Variants in GORASP2 observed in about 807,000 individuals in gnomAD.
The protein encoded by GORASP2 is golgi reassembly stacking protein 2, also known as Golgi reassembly-stacking protein 2.
Under a neutral mutation model 45.7 loss-of-function variants are expected in GORASP2, and 22 were observed. The observed-to-expected ratio is 0.48, with a 90% CI of 0.34 to 0.69. The LOEUF is 0.69. Ranked by LOEUF, GORASP2 falls within the 30% of genes least tolerant of loss-of-function variation. GORASP2 has a pLI of 0.01. For synonymous variants in GORASP2, 221 were observed against 215.6 expected, an observed-to-expected ratio of 1.02 and a Z score of -0.22; for missense variants, 491 against 562.7, an observed-to-expected ratio of 0.87 and a Z score of 1.29.
intron 1 of GORASP2, among the ~76,000 whole-genome samples, chr2:170,945,527 A>G (rs567824218): frequency 6.6e-6 from 1 of 151,942 alleles, no homozygotes; most frequent in East Asian, 1.9e-4. Context: ...AAGAAGAAGA[A>G]GAAACTGAAC....
chr2:170,943,632 A>G (rs554245680), intron 1 of GORASP2, among the ~76,000 whole-genome samples: 76 of 152,286 alleles, frequency 5.0e-4, no homozygotes, highest in East Asian at 9.6e-4. Context: ...TGGCTCTAAA[A>G]GTCTATTATT....
chr2:170,944,968 C>T (rs1704151134), intron 1 of GORASP2, among the ~76,000 whole-genome samples: 1 of 152,070 alleles, frequency 6.6e-6, no homozygotes, highest in African/African-American at 2.4e-5. Context: ...TGATAACCAC[C>T]TAATAGGCAT....
At chr2:170,958,122 T>G (rs1704470733) in intron 7 of GORASP2, among the ~76,000 whole-genome samples, 1 of 152,230 alleles carries the variant, frequency 6.6e-6, no homozygotes, top group Non-Finnish European at 1.5e-5. Context: ...ATCCCAGCTC[T>G]TTAGTCCTGG....
chr2:170,956,742 T>TA (rs35604404), intron 7 of GORASP2, among the ~76,000 whole-genome samples, 183 bp downstream of exon 7: 64 of 149,238 alleles, frequency 4.3e-4, no homozygotes, highest in Non-Finnish European at 3.7e-4. Flanking sequence ...ACCACGTCTC[T>TA]AAAAAAAAAA....
chr2:170,957,525 C>T (rs1704456416), intron 7 of GORASP2, among the ~76,000 whole-genome samples: 1 of 152,202 alleles, frequency 6.6e-6, no homozygotes, highest in African/African-American at 2.4e-5. Flanking sequence ...ATCTGCCCTC[C>T]TCGGCCTTCC....
Position 170,948,333 on chromosome 2 carries a change from C to A in GORASP2, c.64-17C>A. The A allele has an allele frequency of 1.4e-6, 2 of 1,468,454 alleles. No homozygotes were observed. Among genetic ancestry groups the A allele is most frequent in the South Asian group, 2.4e-5 (2 of 84,846 alleles). 91.0% of individuals were successfully genotyped at this position (1,468,454 alleles called of 1,614,324 possible). A position where few individuals can be genotyped will look rare whatever the true frequency, so the allele number is the denominator to read the frequency against. On this transcript the variant is annotated splice_polypyrimidine_tract_variant and intron_variant, in intron 1 of 9. Coordinates refer to ENST00000234160, the MANE Select transcript of GORASP2 (RefSeq NM_015530.5). The stretch of plus-strand genomic sequence containing the variant: ...TAAGCTTTACATTTTTTATTTTTGT[C>A]GTTTTTGTTTCCGCAGGTACAAGAA...
chr2:170,964,892 ATTTTTT>A (rs1199571345), intron 9 of GORASP2, among the ~76,000 whole-genome samples: 3 of 64,704 alleles, frequency 4.6e-5, no homozygotes, highest in African/African-American at 1.1e-4. Context: ...ATGCATTTTA[ATTTTTT>A]TTTTTTTTTT....
intron 1 of GORASP2, chr2:170,929,905 C>T (rs1367255357): frequency 2.5e-6 from 1 of 392,908 alleles, no homozygotes; most frequent in Non-Finnish European, 5.4e-6. Flanking sequence ...CCTGAAAGAC[C>T]AGCAGGGCAG....
chr2:170,929,799 G>T, intron 1 of GORASP2: 1 of 478,714 alleles, frequency 2.1e-6, no homozygotes, highest in Non-Finnish European at 4.3e-6. Context: ...TGTGAAGGCA[G>T]CCTTTGCGCT....
rs1027175081 is a variant in GORASP2, at chr2:170,932,430, C to T, written c.63+3027C>T. On this transcript the variant is annotated intron_variant, in intron 1 of 9. Transcript: ENST00000234160. ...TGTACCATAGATTGGTTAAGGAGTA[C>T]CTCCTGGTGTTGAACATTTGGTTAT... Among the ~76,000 whole-genome samples the T allele has an allele frequency of 3.9e-5, 6 of 152,176 alleles. No homozygotes were observed. The East Asian group carries it at 1.2e-3, about 29-fold the overall frequency.
At chr2:170,961,295 A>T (rs1246286628) in intron 7 of GORASP2, among the ~76,000 whole-genome samples, 1 of 152,192 alleles carries the variant, frequency 6.6e-6, no homozygotes, top group Non-Finnish European at 1.5e-5. Flanking sequence ...GTGGCATCTT[A>T]GTTTAGGAGC....
chr2:170,961,983 C>T (rs1704572186), intron 8 of GORASP2, among the ~76,000 whole-genome samples: 1 of 152,154 alleles, frequency 6.6e-6, no homozygotes, highest in Non-Finnish European at 1.5e-5. Flanking sequence ...TGCTCCTTAC[C>T]CCCAGCCAGC....
intron 5 of GORASP2, chr2:170,953,669 G>A (rs191210588): frequency 6.6e-6 from 1 of 152,342 alleles, no homozygotes; most frequent in Admixed American, 6.5e-5. Context: ...GTAAAAACTA[G>A]CTGTCACCAT....
chr2:170,958,714 G>A (rs1050723195), intron 7 of GORASP2, among the ~76,000 whole-genome samples: 3 of 143,250 alleles, frequency 2.1e-5, no homozygotes, highest in Non-Finnish European at 3.0e-5. Context: ...AGGAAGGCTA[G>A]AGTACAGTGG....
chr2:170,958,240 C>G (rs4668354), intron 7 of GORASP2, among the ~76,000 whole-genome samples: 78,718 of 152,098 alleles, frequency 0.52, 23,107 homozygotes, highest in South Asian at 0.65. Flanking sequence ...TTGGGATATA[C>G]TTCCCCTTTG....
chr2:170,930,500 G>A (rs998161749), intron 1 of GORASP2, among the ~76,000 whole-genome samples: 1 of 152,200 alleles, frequency 6.6e-6, no homozygotes, highest in Non-Finnish European at 1.5e-5. Context: ...TGGGTCCCAT[G>A]TTTTAGGTGA....
chr2:170,928,918 C>T (rs2195116), upstream of GORASP2: 99,283 of 161,260 alleles, frequency 0.62, 32,655 homozygotes, highest in East Asian at 0.95. Flanking sequence ...CCTTTCCCCG[C>T]CTCTGGCCAC....
intron 1 of GORASP2, among the ~76,000 whole-genome samples, chr2:170,938,859 A>G (rs1208000496): frequency 6.6e-6 from 1 of 152,122 alleles, no homozygotes; most frequent in Non-Finnish European, 1.5e-5. Context: ...CAGGCATGGC[A>G]GTGGGCGCCT....
chr2:170,949,330 G>A (rs994953942), intron 2 of GORASP2, among the ~76,000 whole-genome samples: 3 of 152,164 alleles, frequency 2.0e-5, no homozygotes, highest in African/African-American at 7.2e-5. Context: ...TGAGCTATTA[G>A]AAAAAAGTCA....
Sources: allele counts gnomAD v4.1 joint callset (sites outside exome capture counted in the v4.1 genomes callset), GRCh38; gene constraint gnomAD v4.1.1; transcripts MANE v1.5; gene names NCBI Gene and HGNC (gene_info 2026-07-23, HGNC 2026-07-21).